The following ERG variants were observed in gnomAD, a reference collection of about 807,000 sequenced individuals.
ERG encodes the protein transcriptional regulator ERG.
ERG carries 9 observed loss-of-function variants against 55.3 expected under a neutral mutation model. The ratio of observed to expected loss-of-function variants is 0.16; its 90% CI spans 0.10 to 0.28. ERG has a LOEUF of 0.28. Ranked by LOEUF, ERG falls within the 10% of genes least tolerant of loss-of-function variation. The probability of loss-of-function intolerance (pLI) is 1.00; values close to 1 mark genes in which losing one functional copy is unlikely to be tolerated. For synonymous variants in ERG, 223 were observed against 237.3 expected (o/e 0.94, Z 0.55); for missense variants, 434 against 631.6 (o/e 0.69, Z 3.35).
chr21:38,583,461 A>G (rs1054702094), intron 1 of ERG, among the ~76,000 whole-genome samples: 5 of 151,178 alleles, frequency 3.3e-5, no homozygotes, highest in African/African-American at 4.8e-5. Flanking sequence ...CGGGAGACAG[A>G]AGACAGCATG....
At chr21:38,388,532 A>G (rs1359676803) in intron 9 of ERG, among the ~76,000 whole-genome samples, 1 of 152,270 alleles carries the variant, frequency 6.6e-6, no homozygotes, top group Non-Finnish European at 1.5e-5. Flanking sequence ...TCAAACAGGA[A>G]GAAGCATTGT....
intron 3 of ERG, among the ~76,000 whole-genome samples, chr21:38,420,318 G>C (rs1420202488): frequency 6.6e-6 from 1 of 152,072 alleles, no homozygotes; most frequent in Non-Finnish European, 1.5e-5. Flanking sequence ...GTGTGTGTGT[G>C]TGTTCATCTC....
chr21:38,466,604 A>T (rs1408077907), intron 1 of ERG, among the ~76,000 whole-genome samples: 1 of 152,122 alleles, frequency 6.6e-6, no homozygotes, highest in Non-Finnish European at 1.5e-5. Context: ...AAGGAATTTA[A>T]AGAATGACAG....
At chr21:38,425,616 CA>C (rs1989783905) in intron 2 of ERG, among the ~76,000 whole-genome samples, 1 of 152,178 alleles carries the variant, frequency 6.6e-6, no homozygotes, top group African/African-American at 2.4e-5. Flanking sequence ...CCAATGCATA[CA>C]TTTTTTTCAT....
chr21:38,615,064 C>T (rs1017823998), intron 1 of ERG, among the ~76,000 whole-genome samples: 17 of 152,298 alleles, frequency 1.1e-4, no homozygotes, highest in Admixed American at 7.2e-4. Flanking sequence ...CAACTGATCT[C>T]ATAATAATAA....
At chr21:38,607,451 T>C (rs1175638106) in intron 1 of ERG, among the ~76,000 whole-genome samples, 2 of 152,032 alleles carry the variant, frequency 1.3e-5, no homozygotes, top group African/African-American at 4.8e-5. Context: ...GCCAACATGG[T>C]GAAACCCCGT....
intron 2 of ERG, among the ~76,000 whole-genome samples, chr21:38,550,416 G>T (rs974159072): frequency 6.6e-6 from 1 of 152,234 alleles, no homozygotes; most frequent in Non-Finnish European, 1.5e-5. Flanking sequence ...CCCCAAGGTA[G>T]CAGTATGAGG....
Position 38,568,803 on chromosome 21 carries a change from C to T in ERG, c.-41+6859G>A, listed in dbSNP as rs149646782. On this transcript the variant is annotated intron_variant, in intron 2 of 8. Transcript: ENST00000398897. ...GGGTCCAACTTCAGGCATCTGTACT[C>T]GCCTGCTACAGGTGAGTGGACCTAT... Among the ~76,000 whole-genome samples, 126 of 152,262 alleles carry T rather than the reference C, an allele frequency of 8.3e-4. 2 individuals carry two copies. The highest frequency in any genetic ancestry group is 2.7e-3 in the African/African-American group (113 of 41,538).
At chr21:38,603,685 T>TCCC (rs982151939) in intron 1 of ERG, among the ~76,000 whole-genome samples, 1 of 151,964 alleles carries the variant, frequency 6.6e-6, no homozygotes, top group African/African-American at 2.4e-5. Flanking sequence ...AGGCAGGGAA[T>TCCC]CCCCAACTTT....
At chr21:38,530,637 A>G (rs190173238) in intron 2 of ERG, among the ~76,000 whole-genome samples, 53 of 152,320 alleles carry the variant, frequency 3.5e-4, no homozygotes, top group African/African-American at 1.2e-3. Context: ...TCAATCTACC[A>G]TCTACATCAT....
At chr21:38,605,837 T>C (rs1176809363) in intron 1 of ERG, among the ~76,000 whole-genome samples, 2 of 151,990 alleles carry the variant, frequency 1.3e-5, no homozygotes, top group Admixed American at 6.6e-5. Flanking sequence ...AGATGATAGA[T>C]AGATGATAGA....
intron 6 of ERG, among the ~76,000 whole-genome samples, chr21:38,398,974 AT>A (rs977852858): frequency 6.6e-6 from 1 of 152,224 alleles, no homozygotes; most frequent in Non-Finnish European, 1.5e-5. Context: ...AATAGTTTTT[AT>A]TTTTTTAGTT....
At chr21:38,591,233 C>T (rs79470525) in intron 1 of ERG, among the ~76,000 whole-genome samples, 2,050 of 152,276 alleles carry the variant, frequency 0.013, 42 homozygotes, top group African/African-American at 0.046. Context: ...ACCAACCATA[C>T]GCATTGAGAA....
At chr21:38,427,220 G>A (rs1363459422) in intron 2 of ERG, among the ~76,000 whole-genome samples, 10 of 152,026 alleles carry the variant, frequency 6.6e-5, no homozygotes, top group African/African-American at 1.2e-4. Flanking sequence ...CATTACAGGC[G>A]CCTGCCACCA....
At chr21:38,449,157 C>A (rs2058918606) in intron 1 of ERG, 1 of 152,324 alleles carries the variant, frequency 6.6e-6, no homozygotes, top group African/African-American at 2.4e-5. Flanking sequence ...TTTTAAACGT[C>A]AAAATCTGGC....
At chr21:38,465,779 G>T (rs369313939) in intron 1 of ERG, among the ~76,000 whole-genome samples, 2 of 152,176 alleles carry the variant, frequency 1.3e-5, no homozygotes, top group East Asian at 3.8e-4. Flanking sequence ...TTTGCCACAC[G>T]TGCAATGACG....
chr21:38,513,502 T>C (rs922660406), intron 2 of ERG, among the ~76,000 whole-genome samples: 7 of 152,214 alleles, frequency 4.6e-5, no homozygotes, highest in Non-Finnish European at 8.8e-5. Context: ...TGCCAATTCA[T>C]TTTGGGCATT....
chr21:38,497,643 A>C (rs759308071), intron 1 of ERG, among the ~76,000 whole-genome samples: 60 of 152,324 alleles, frequency 3.9e-4, no homozygotes, highest in Middle Eastern at 3.4e-3. Context: ...TAGGCAAGGA[A>C]ATGCATCAGA....
intron 1 of ERG, among the ~76,000 whole-genome samples, chr21:38,597,608 A>C (rs572666171): frequency 1.3e-5 from 2 of 152,266 alleles, no homozygotes; most frequent in Non-Finnish European, 2.9e-5. Context: ...CATTGGTTGT[A>C]GGATGTCCTG....
Sources: allele counts gnomAD v4.1 joint callset (sites outside exome capture counted in the v4.1 genomes callset), GRCh38; gene constraint gnomAD v4.1.1; transcripts MANE v1.5; gene names NCBI Gene and HGNC (gene_info 2026-07-23, HGNC 2026-07-21).